Variants in ITPR3 observed in about 807,000 individuals in gnomAD.
ITPR3 encodes inositol 1,4,5-trisphosphate receptor type 3, also known as inositol 1,4,5-trisphosphate-gated calcium channel ITPR3.
Under a neutral mutation model 293.2 loss-of-function variants are expected in ITPR3, and 173 were observed. The ratio of observed to expected loss-of-function variants is 0.59; its 90% CI spans 0.52 to 0.67. ITPR3 has a LOEUF of 0.67. Among genes scored for constraint, ITPR3 ranks in the 30% least tolerant of loss-of-function variants. ITPR3 has a pLI of 0.00. For missense variants in ITPR3, 2,796 were observed against 3,592.1 expected (o/e 0.78, Z 5.66); for synonymous variants, 1,295 against 1,444.4 (o/e 0.90, Z 2.35).
chr6:33,668,916 G>C, intron 17 of ITPR3, 58 bp from the exon 18 acceptor site: 1 of 1,547,566 alleles, frequency 6.5e-7, no homozygotes, highest in Non-Finnish European at 8.8e-7. Context: ...CTCAGGGAGG[G>C]GTCCAGGCGT....
At chr6:33,663,365 A>T in intron 9 of ITPR3, 135 bp from the exon 10 acceptor site, 1 of 780,240 alleles carries the variant, frequency 1.3e-6, no homozygotes, top group African/African-American at 2.2e-5. Context: ...CCCTGGAATG[A>T]TATGGGCACC....
At chr6:33,641,705 C>T (rs1409214132) in intron 2 of ITPR3, among the ~76,000 whole-genome samples, 1 of 152,138 alleles carries the variant, frequency 6.6e-6, no homozygotes, top group Non-Finnish European at 1.5e-5. Flanking sequence ...TGCAACCACA[C>T]CAGCCTCCCT....
Position 33,676,891 on chromosome 6 carries a change from G to A in ITPR3, c.3406G>A (p.Gly1136Ser). 2 of 1,614,156 alleles carry A rather than the reference G, an allele frequency of 1.2e-6. No homozygotes were observed. The highest frequency in any genetic ancestry group is 1.7e-5 in the Admixed American group (1 of 60,030). The stretch of plus-strand genomic sequence containing the variant: ...GGTGGACAAGAAGGGCAGTGGCAAG[G>A]GTGAGGAGGTGGAGGCAGGCGCCGC... ...LWVDKKGSGK[G>S]EEVEAGAAKD... The change falls in exon 26 of 58, where the codon GGT becomes AGT. Residue 1136 changes from glycine (G) to serine (S), a missense_variant. By Grantham distance (56) the Gly-to-Ser change is moderately conservative. Around this residue, in one of 8 missense-constraint regions of ITPR3, gnomAD observed 6 missense variants for 24.4 expected, o/e 0.25. Transcript: ENST00000605930.
At position 33,658,127 on chromosome 6, in the gene ITPR3, C is replaced by T. The variant is rs989512552; in HGVS notation, c.369+109C>T. 12 of 934,986 alleles carry T rather than the reference C, an allele frequency of 1.3e-5. No individual in the cohort carries two copies. The highest frequency in any genetic ancestry group is 6.6e-5 in the African/African-American group (4 of 61,052). 57.9% of individuals were successfully genotyped at this position (934,986 alleles called of 1,614,324 possible). On this transcript the variant is annotated intron_variant, in intron 4 of 57. Coordinates refer to ENST00000605930, the MANE Select transcript of ITPR3 (RefSeq NM_002224.4). This position sits in a 1 kb window ranked among gnomAD's most constrained non-coding sequence, Gnocchi z 6.1. ...CATTGCCCTCTGTGCATGTGTGTCC[C>T]CGGGTGAATGAGTGGCCCTGGGGCC...
chr6:33,676,645 G>T, intron 25 of ITPR3, 123 bp from the exon 26 acceptor site: 5 of 1,153,802 alleles, frequency 4.3e-6, no homozygotes, highest in Non-Finnish European at 4.9e-6. Flanking sequence ...GAATCGGCTC[G>T]GTGGAGAGGG....
chr6:33,640,535 C>A lies in ITPR3; in HGVS notation c.141C>A (p.Asn47Lys), dbSNP rs772646659. The change falls in exon 2 of 58, where the codon AAC becomes AAA. Residue 47 changes from asparagine (N) to lysine (K), a missense_variant. This residue lies in a region of ITPR3 where 53 missense variants were observed against 45.7 expected (regional missense o/e 1.16). Coordinates refer to ENST00000605930, the MANE Select transcript of ITPR3 (RefSeq NM_002224.4). ...VVEPAAGDLD[N>K]PPKKFRDCLF... ...AGCCCGCGGCCGGGGACCTGGACAA[C>A]CCCCCTAAGAAGTTCCGTGGTAAGA... 2 of 1,613,020 alleles carry A rather than the reference C, an allele frequency of 1.2e-6. No homozygotes were observed. The highest frequency in any genetic ancestry group is 2.7e-5 in the African/African-American group (2 of 74,834).
At position 33,658,702 on chromosome 6, in the gene ITPR3, A is replaced by G. The variant is rs770925389; in HGVS notation, c.402A>G (p.Thr134=). Residue 134 remains threonine (T), a synonymous_variant, in exon 5 of 58, where the codon ACA becomes ACG. Transcript: ENST00000605930. This position sits in a 1 kb window ranked among gnomAD's most constrained non-coding sequence, Gnocchi z 6.1. ...LLHMKSNKYL[T]VNKRLPALLE... is the part of the protein sequence containing the mutation. ...ACATGAAGAGCAACAAGTACCTGAC[A>G]GTGAACAAGCGGCTTCCGGCCTTGC... 3 of 1,614,112 alleles carry G rather than the reference A, an allele frequency of 1.9e-6. No homozygotes were observed. The highest frequency in any genetic ancestry group is 1.3e-5 in the African/African-American group (1 of 74,946).
Position 33,621,618 on chromosome 6 carries a change from A to G in ITPR3, c.16A>G (p.Ser6Gly), listed in dbSNP as rs1763438427. The G allele has an allele frequency of 1.2e-6, 2 of 1,603,756 alleles. No individual in the cohort carries two copies. The highest frequency in any genetic ancestry group is 1.7e-6 in the Non-Finnish European group (2 of 1,175,154). The change falls in exon 1 of 58, where the codon AGC (serine) becomes GGC (glycine). Residue 6 changes from serine to glycine, a missense_variant. Coordinates refer to ENST00000605930, the MANE Select transcript of ITPR3 (RefSeq NM_002224.4). The surrounding 1 kb of genome is among the most constrained non-coding windows in gnomAD (Gnocchi z 7.7). MSEMS[S>G]FLHIGDIVSL... ...GGCCGCAGCCATGAGTGAAATGTCC[A>G]GCTTTCTTCACATCGGGGACATCGT...
chr6:33,659,452 TCAC>T lies in ITPR3; in HGVS notation c.628-12_628-10del. On this transcript the variant is annotated splice_polypyrimidine_tract_variant and intron_variant, in intron 6 of 57. Transcript: ENST00000605930. ...GGTCCACCTGGCGTCACGGGTCTTG[TCAC>T]CCTTCCGCAGGTCAATTCTGTGAAC... is the stretch of plus-strand genomic sequence containing the variant. 6.2e-7 allele frequency: 1 copy of T among 1,613,516 alleles called. No homozygotes were observed. Among genetic ancestry groups the T allele is most frequent in the Non-Finnish European group, 8.5e-7 (1 of 1,179,506 alleles).
chr6:33,661,927 C>T (rs1203694733), intron 7 of ITPR3, among the ~76,000 whole-genome samples: 3 of 132,024 alleles, frequency 2.3e-5, no homozygotes, highest in East Asian at 2.3e-4. Flanking sequence ...ACCCAGGAGG[C>T]GAAGGTTGCA....
At position 33,684,192 on chromosome 6, in the gene ITPR3, G is replaced by C. The variant is rs558603236; in HGVS notation, c.4937+24G>C. The C allele has an allele frequency of 1.9e-6, 3 of 1,607,032 alleles. No homozygotes were observed. The highest frequency in any genetic ancestry group is 2.5e-6 in the Non-Finnish European group (3 of 1,178,300). ...AAGTGAGCGAGACACTGGGGCATGGGGGCAGCAGGGGTGCAGCGGCAGGGG... is the reference window on the plus strand; with the variant it reads ...AAGTGAGCGAGACACTGGGGCATGGCGGCAGCAGGGGTGCAGCGGCAGGGG... On this transcript the variant is annotated intron_variant, in intron 36 of 57. Coordinates refer to ENST00000605930, the MANE Select transcript of ITPR3 (RefSeq NM_002224.4). This position sits in a 1 kb window ranked among gnomAD's most constrained non-coding sequence, Gnocchi z 4.2.
chr6:33,688,980 A>T lies in ITPR3; in HGVS notation c.6694+199A>T, dbSNP rs117296630. Among the ~76,000 whole-genome samples, 1,258 of 152,164 alleles carry T rather than the reference A, an allele frequency of 8.3e-3. 50 individuals are homozygous for T. In the South Asian group the frequency reaches 0.1, roughly 12 times the overall value. On this transcript the variant is annotated intron_variant, in intron 49 of 57. Transcript: ENST00000605930. ...TCAAAGGGGATGGTCAGGGTCTTTG[A>T]CCTCATGGGAGATGGCGCATGCAGG... is the stretch of plus-strand genomic sequence containing the variant.
Position 33,687,950 on chromosome 6 carries a change from C to A in ITPR3, c.6265-107C>A. The A allele has an allele frequency of 1.2e-6, 1 of 861,442 alleles. No individual in the cohort carries two copies. Among genetic ancestry groups the A allele is most frequent in the Non-Finnish European group, 1.8e-6 (1 of 553,742 alleles). The allele number at this position is 861,442 out of a possible 1,614,324, so 53.4% of individuals were successfully genotyped here. A position where few individuals can be genotyped will look rare whatever the true frequency, so the allele number is the denominator to read the frequency against. ...CCTGCTCTGGCTTGGCGGGGACACT[C>A]GCTGAAGTGTAGTTCAGAGCTAGGC... On this transcript the variant is annotated intron_variant, in intron 46 of 57. Transcript: ENST00000605930. The surrounding 1 kb of genome is among the most constrained non-coding windows in gnomAD (Gnocchi z 5.3).
Position 33,684,404 on chromosome 6 carries a change from G to C in ITPR3, c.4985G>C (p.Cys1662Ser). 1.2e-6 allele frequency: 2 copies of C among 1,614,110 alleles called. No homozygotes were observed. The highest frequency in any genetic ancestry group is 1.7e-6 in the Non-Finnish European group (2 of 1,180,002). ...CTCATGGAGTCGGAGGAGAAGCTGT[G>C]CATCAAGGTGCTGCGGACCCTGCAG... is the stretch of plus-strand genomic sequence containing the variant. ...KDLMESEEKL[C>S]IKVLRTLQQM... Residue 1662 changes from cysteine to serine, a missense_variant, in exon 37 of 58, where the codon TGC (cysteine) becomes TCC (serine). Physicochemically the swap from Cys to Ser is moderately radical, Grantham distance 112. This residue lies in a region of ITPR3 where 704 missense variants were observed against 797.5 expected (regional missense o/e 0.88). Transcript: ENST00000605930. The surrounding 1 kb of genome is among the most constrained non-coding windows in gnomAD (Gnocchi z 4.2).
At chr6:33,668,827 T>C (rs1764681899) in intron 17 of ITPR3, 147 bp from the exon 18 acceptor site, 10 of 1,174,190 alleles carry the variant, frequency 8.5e-6, no homozygotes, top group Admixed American at 2.4e-5. Flanking sequence ...CAGAAAAGAA[T>C]GAGCCACGGA....
rs1463618986 is a variant in ITPR3 at position 33,651,918 on chromosome 6, G to A, written c.161-3848G>A. 2.6e-5 allele frequency among the ~76,000 whole-genome samples: 4 copies of A among 152,142 alleles called. 1 individual carries two copies. Among genetic ancestry groups the A allele is most frequent in the Admixed American group, 6.5e-5 (1 of 15,274 alleles). On this transcript the variant is annotated intron_variant, in intron 2 of 57. Coordinates refer to ENST00000605930, the MANE Select transcript of ITPR3 (RefSeq NM_002224.4). ...TTTATTTCTTAGGTGAGTCAAGGTC[G>A]GAAAAGCTTGAGACCCCTGCTCTAG...
chr6:33,660,312 GC>G (rs902962240), intron 7 of ITPR3, among the ~76,000 whole-genome samples: 1 of 151,946 alleles, frequency 6.6e-6, no homozygotes, highest in African/African-American at 2.4e-5. Flanking sequence ...CAGGTGACAG[GC>G]CCGAGAGCAG....
At chr6:33,646,902 G>A (rs1393090476) in intron 2 of ITPR3, among the ~76,000 whole-genome samples, 1 of 151,974 alleles carries the variant, frequency 6.6e-6, no homozygotes, top group Admixed American at 6.6e-5. Context: ...GGGCGACATA[G>A]TGAGATCCTG....
rs1561881221 is a variant in ITPR3 at position 33,687,598 on chromosome 6, G to A, written c.6264+34G>A. 15 of 1,532,452 alleles carry A rather than the reference G, an allele frequency of 9.8e-6. 1 individual carries two copies. Among genetic ancestry groups the A allele is most frequent in the African/African-American group, 2.7e-5 (2 of 73,884 alleles). 94.9% of individuals were successfully genotyped at this position (1,532,452 alleles called of 1,614,324 possible). On this transcript the variant is annotated intron_variant, in intron 46 of 57. Transcript: ENST00000605930. This position sits in a 1 kb window ranked among gnomAD's most constrained non-coding sequence, Gnocchi z 5.3. ...TGGCCCCGAGACTGGGGTGGGGGTGGGGCCTGGAACCCAGGGAGGACACTT... is the reference window on the plus strand; with the variant it reads ...TGGCCCCGAGACTGGGGTGGGGGTGAGGCCTGGAACCCAGGGAGGACACTT...
Sources: allele counts gnomAD v4.1 joint callset (sites outside exome capture counted in the v4.1 genomes callset), GRCh38; gene constraint gnomAD v4.1.1; regional missense constraint gnomAD v4.1.1; non-coding constraint Gnocchi (gnomAD v3.1); transcripts MANE v1.5; gene names NCBI Gene and HGNC (gene_info 2026-07-23, HGNC 2026-07-21).